KANK1: variants seen among roughly 807,000 people sequenced by gnomAD.
KANK1 encodes the protein KN motif and ankyrin repeat domains 1.
A neutral mutation model predicts 106.2 loss-of-function variants in KANK1; 109 were observed. The observed-to-expected ratio is 1.03, with a 90% CI of 0.88 to 1.20. The LOEUF is 1.20. KANK1 is among the 50% of genes most tolerant of loss of function. The pLI, the probability that KANK1 is intolerant of heterozygous loss-of-function variation, is 0.00. For missense variants in KANK1, 2,399 were observed against 1,710.7 expected (o/e 1.40, Z -7.10); for synonymous variants, 873 against 652.2 (o/e 1.34, Z -5.16).
At chr9:665,441 A>G (rs900964409) in intron 1 of KANK1, among the ~76,000 whole-genome samples, 1 of 152,038 alleles carries the variant, frequency 6.6e-6, no homozygotes, top group Non-Finnish European at 1.5e-5. Context: ...CCTGTTGCAT[A>G]TTGTTGGCAC....
chr9:686,672 A>C (rs1016838918), intron 2 of KANK1: 2 of 795,622 alleles, frequency 2.5e-6, no homozygotes, highest in African/African-American at 3.8e-5. Context: ...AGTCTGCCCC[A>C]GGGACAACTG....
At chr9:514,553 A>G (rs927859233) in intron 1 of KANK1, among the ~76,000 whole-genome samples, 12 of 151,250 alleles carry the variant, frequency 7.9e-5, no homozygotes, top group Non-Finnish European at 1.8e-4. Context: ...TGTACCTGAG[A>G]TCACAGAGCA....
chr9:568,051 G>A (rs1428637676), intron 1 of KANK1, among the ~76,000 whole-genome samples: 4 of 151,768 alleles, frequency 2.6e-5, no homozygotes, highest in African/African-American at 9.7e-5. Flanking sequence ...ATTTTACAGA[G>A]AAGAAAACAA....
At chr9:542,130 A>T (rs1364668532) in intron 1 of KANK1, among the ~76,000 whole-genome samples, 1 of 151,344 alleles carries the variant, frequency 6.6e-6, no homozygotes, top group Non-Finnish European at 1.5e-5. Context: ...GAAATTTCTC[A>T]ATAGAAGACA....
At chr9:483,225 G>C (rs1016626965) in intron 3 of KANK1, among the ~76,000 whole-genome samples, 36 of 152,156 alleles carry the variant, frequency 2.4e-4, no homozygotes, top group Non-Finnish European at 5.0e-4. Context: ...ATGGTTTTGG[G>C]CATCCTCTGG....
At chr9:598,740 C>CA (rs1482765150) in intron 1 of KANK1, among the ~76,000 whole-genome samples, 1 of 138,626 alleles carries the variant, frequency 7.2e-6, no homozygotes, top group East Asian at 2.3e-4. Context: ...AAGCGATTCT[C>CA]ATGCCTCAGC....
chr9:608,329 AG>A (rs1358937207), intron 1 of KANK1, among the ~76,000 whole-genome samples: 5 of 151,874 alleles, frequency 3.3e-5, no homozygotes, highest in Non-Finnish European at 7.3e-5. Flanking sequence ...GAAAACTTTC[AG>A]AATTATAACA....
At chr9:541,395 T>G (rs1362333860) in intron 1 of KANK1, among the ~76,000 whole-genome samples, 1 of 152,130 alleles carries the variant, frequency 6.6e-6, no homozygotes, top group Non-Finnish European at 1.5e-5. Context: ...TTAAACCCCT[T>G]TCTCACACCA....
chr9:731,370 G>A (rs1040007383), intron 5 of KANK1, 104 bp downstream of exon 5: 2 of 622,200 alleles, frequency 3.2e-6, no homozygotes, highest in East Asian at 3.0e-5. Context: ...CCACAGCGCA[G>A]TGATGAAAGA....
chr9:679,661 T>C (rs1295303603), intron 2 of KANK1, among the ~76,000 whole-genome samples: 1 of 152,162 alleles, frequency 6.6e-6, no homozygotes, highest in Non-Finnish European at 1.5e-5. Flanking sequence ...GTGATCTGCC[T>C]ACCTCGGCAC....
At chr9:494,645 C>G (rs142716644) in intron 3 of KANK1, among the ~76,000 whole-genome samples, 5 of 152,178 alleles carry the variant, frequency 3.3e-5, no homozygotes, top group African/African-American at 1.2e-4. Flanking sequence ...GAGCAATACA[C>G]GTGACAAGCC....
chr9:624,898 G>A (rs1833988061), intron 1 of KANK1, among the ~76,000 whole-genome samples: 1 of 152,212 alleles, frequency 6.6e-6, no homozygotes, highest in Non-Finnish European at 1.5e-5. Context: ...GAAAAGGGGT[G>A]TGCAGCCGGA....
At chr9:529,659 T>C (rs572671250) in intron 1 of KANK1, among the ~76,000 whole-genome samples, 2 of 152,322 alleles carry the variant, frequency 1.3e-5, no homozygotes, top group East Asian at 3.9e-4. Flanking sequence ...TTAAAATCAT[T>C]TTAAAGAGCA....
rs117745602 is a variant in KANK1, at chr9:584,911, G to C, written c.-84+80157G>C. On this transcript the variant is annotated intron_variant, in intron 1 of 11. Coordinates refer to ENST00000382297, the MANE Select transcript of KANK1 (RefSeq NM_015158.5). ...TGGCAGGAAGTCTCTGCTTGTTTCCGTTTGCCTTCCTCCCAGTTTCTCCTC... is the reference window on the plus strand; with the variant it reads ...TGGCAGGAAGTCTCTGCTTGTTTCCCTTTGCCTTCCTCCCAGTTTCTCCTC... Among the ~76,000 whole-genome samples, 1,413 of 152,270 alleles carry C rather than the reference G, an allele frequency of 9.3e-3. 19 individuals are homozygous for C. The highest frequency in any genetic ancestry group is 0.014 in the Non-Finnish European group (928 of 68,020).
At chr9:702,491 A>C (rs1822934945) in intron 2 of KANK1, among the ~76,000 whole-genome samples, 1 of 152,178 alleles carries the variant, frequency 6.6e-6, no homozygotes, top group Non-Finnish European at 1.5e-5. Flanking sequence ...GATCCATAGA[A>C]AACTAGAGAG....
At chr9:639,843 G>C (rs750947785) in intron 1 of KANK1, among the ~76,000 whole-genome samples, 20 of 152,288 alleles carry the variant, frequency 1.3e-4, no homozygotes, top group Non-Finnish European at 2.2e-4. Context: ...GTTCCTCAAG[G>C]ATAGTGCCTT....
At position 591,632 on chromosome 9, in the gene KANK1, C is replaced by G. The variant is rs181511357; in HGVS notation, c.-83-85258C>G. On this transcript the variant is annotated intron_variant, in intron 1 of 11. Transcript: ENST00000382297. ...TGGGAAATGTGTGCACACGCGCACA[C>G]ACACACACTCTTTTGAGCACTTGTC... Among the ~76,000 whole-genome samples the G allele has an allele frequency of 1.4e-4, 22 of 151,844 alleles. 1 individual carries two copies. The East Asian group carries it at 1.5e-3, about 11-fold the overall frequency.
intron 1 of KANK1, among the ~76,000 whole-genome samples, chr9:612,765 T>C (rs1830872009): frequency 6.6e-6 from 1 of 152,148 alleles, no homozygotes; most frequent in Admixed American, 6.5e-5. Context: ...GTAGCAGTTA[T>C]ATGTGAGCAA....
intron 1 of KANK1, among the ~76,000 whole-genome samples, chr9:627,385 C>G (rs1834607048): frequency 7.1e-6 from 1 of 141,748 alleles, no homozygotes; most frequent in African/African-American, 3.2e-5. Context: ...CTTCTGCCCC[C>G]TCCTAGCCAC....
Sources: allele counts gnomAD v4.1 joint callset (sites outside exome capture counted in the v4.1 genomes callset), GRCh38; gene constraint gnomAD v4.1.1; transcripts MANE v1.5; gene names NCBI Gene and HGNC (gene_info 2026-07-23, HGNC 2026-07-21).